The following IQSEC1 variants were observed in gnomAD, a reference collection of about 807,000 sequenced individuals.
IQSEC1 encodes the protein IQ motif and SEC7 domain-containing protein 1.
In IQSEC1, 31 loss-of-function variants were observed where a neutral mutation model predicts 91.0. The observed-to-expected ratio is 0.34, with a 90% CI of 0.26 to 0.46. The LOEUF is 0.46. Among genes scored for constraint, IQSEC1 ranks in the 20% least tolerant of loss-of-function variants. The pLI, the probability that IQSEC1 is intolerant of heterozygous loss-of-function variation, is 1.00. For missense variants in IQSEC1, 1,388 were observed against 1,575.6 expected, an observed-to-expected ratio of 0.88 and a Z score of 2.02; for synonymous variants, 699 against 662.6, an observed-to-expected ratio of 1.05 and a Z score of -0.84.
intron 1 of IQSEC1, among the ~76,000 whole-genome samples, chr3:12,984,584 C>T (rs1286385776): frequency 1.3e-5 from 2 of 152,154 alleles, no homozygotes; most frequent in South Asian, 2.1e-4. Context: ...TTTCAGGGGG[C>T]TGGGAAGCCT....
chr3:13,152,089 C>A (rs772738701), intron 2 of IQSEC1, among the ~76,000 whole-genome samples: 15 of 152,214 alleles, frequency 9.9e-5, no homozygotes, highest in Non-Finnish European at 2.1e-4. Context: ...TCCCAAATAT[C>A]TAATTAGCAA....
chr3:13,243,575 C>A (rs1305116954), intron 1 of IQSEC1, among the ~76,000 whole-genome samples: 1 of 152,210 alleles, frequency 6.6e-6, no homozygotes, highest in Non-Finnish European at 1.5e-5. Flanking sequence ...AGCCTCTACA[C>A]CCCAGTAGAA....
intron 1 of IQSEC1, among the ~76,000 whole-genome samples, chr3:13,186,452 C>T (rs1010640034): frequency 1.3e-4 from 20 of 152,264 alleles, no homozygotes; most frequent in Admixed American, 5.9e-4. Context: ...GGAAAGAAGT[C>T]GGCTGGGAGT....
At chr3:13,189,467 T>C (rs1167623506) in intron 1 of IQSEC1, among the ~76,000 whole-genome samples, 1 of 152,166 alleles carries the variant, frequency 6.6e-6, no homozygotes, top group African/African-American at 2.4e-5. Context: ...CACACCTGCC[T>C]GCCAGGACCC....
chr3:12,934,310 C>G (rs1697969474), intron 3 of IQSEC1, among the ~76,000 whole-genome samples: 1 of 152,176 alleles, frequency 6.6e-6, no homozygotes, highest in African/African-American at 2.4e-5. Context: ...AGTGAATGCA[C>G]CATTCCCCAG....
Position 12,899,767 on chromosome 3 carries a change from C to A in IQSEC1, c.*1216G>T. The A allele has an allele frequency of 1.8e-5, 18 of 985,412 alleles. No homozygotes were observed. The highest frequency in any genetic ancestry group is 2.2e-5 in the Non-Finnish European group (18 of 829,926). 61.0% of individuals were successfully genotyped at this position (985,412 alleles called of 1,614,324 possible). A position where few individuals can be genotyped will look rare whatever the true frequency, so the allele number is the denominator to read the frequency against. On this transcript the variant is annotated 3_prime_UTR_variant, in exon 14 of 14. Coordinates refer to ENST00000613206, the MANE Select transcript of IQSEC1 (RefSeq NM_001134382.3). The stretch of plus-strand genomic sequence containing the variant: ...AAACGCTAAAGTCAACCTTCAGGTT[C>A]GAGAGTGGTTCCTGATGAAAACACT...
chr3:13,036,925 G>A (rs548750120), intron 1 of IQSEC1, among the ~76,000 whole-genome samples: 2 of 152,356 alleles, frequency 1.3e-5, no homozygotes, highest in African/African-American at 4.8e-5. Context: ...CTGAAGGTGA[G>A]GTTGCAAAGT....
chr3:12,909,147 G>A lies in IQSEC1; in HGVS notation c.2578+126C>T. 2.0e-6 allele frequency: 2 copies of A among 1,007,904 alleles called. No individual in the cohort carries two copies. The highest frequency in any genetic ancestry group is 1.5e-5 in the South Asian group (1 of 65,644). 62.4% of individuals were successfully genotyped at this position (1,007,904 alleles called of 1,614,324 possible). A position where few individuals can be genotyped will look rare whatever the true frequency, so the allele number is the denominator to read the frequency against. ...AGACTGCCCCATCATGTGGCCATAGGGAAGGCCAGAAAAGACTGGGGGACA... is the reference window on the plus strand; with the variant it reads ...AGACTGCCCCATCATGTGGCCATAGAGAAGGCCAGAAAAGACTGGGGGACA... On this transcript the variant is annotated intron_variant, in intron 11 of 13. Coordinates refer to ENST00000613206, the MANE Select transcript of IQSEC1 (RefSeq NM_001134382.3). This position sits in a 1 kb window ranked among gnomAD's most constrained non-coding sequence, Gnocchi z 4.9.
At chr3:13,165,183 C>A (rs140456786) in intron 1 of IQSEC1, among the ~76,000 whole-genome samples, 419 of 152,298 alleles carry the variant, frequency 2.8e-3, no homozygotes, top group African/African-American at 9.7e-3. Flanking sequence ...CCTGAGTGCA[C>A]ACCCCTTGTT....
At chr3:13,062,136 T>C (rs1705087425) in intron 1 of IQSEC1, among the ~76,000 whole-genome samples, 1 of 152,160 alleles carries the variant, frequency 6.6e-6, no homozygotes, top group Admixed American at 6.5e-5. Flanking sequence ...GGAAATCCCT[T>C]TGACTTGAGT....
chr3:12,962,535 T>C (rs1176571313), intron 1 of IQSEC1, among the ~76,000 whole-genome samples: 9 of 152,368 alleles, frequency 5.9e-5, no homozygotes, highest in Middle Eastern at 3.4e-3. Flanking sequence ...TCCCCTCCCA[T>C]GGGATCCAGT....
chr3:12,923,611 G>A (rs1696833296), intron 4 of IQSEC1, among the ~76,000 whole-genome samples: 1 of 152,080 alleles, frequency 6.6e-6, no homozygotes, highest in South Asian at 2.1e-4. Flanking sequence ...GTGTGCCCAG[G>A]CCAGCCCCTC....
intron 2 of IQSEC1, among the ~76,000 whole-genome samples, chr3:12,936,908 G>A (rs1285087946): frequency 2.6e-5 from 4 of 151,904 alleles, no homozygotes; most frequent in Admixed American, 1.3e-4. Context: ...TAAAATGAGT[G>A]CAACCATGTT....
intron 1 of IQSEC1, among the ~76,000 whole-genome samples, chr3:13,009,273 G>A (rs1298261445): frequency 6.6e-6 from 1 of 152,212 alleles, no homozygotes; most frequent in East Asian, 1.9e-4. Flanking sequence ...TGCCCGGACT[G>A]CCACACCTCT....
At chr3:13,169,297 G>A (rs543616647) in intron 1 of IQSEC1, among the ~76,000 whole-genome samples, 2 of 152,330 alleles carry the variant, frequency 1.3e-5, no homozygotes, top group South Asian at 2.1e-4. Context: ...CACGTAAGAT[G>A]TGACTTGCTC....
intron 1 of IQSEC1, among the ~76,000 whole-genome samples, chr3:13,019,124 C>T (rs967879958): frequency 7.2e-5 from 11 of 152,228 alleles, no homozygotes; most frequent in East Asian, 1.9e-4. Context: ...GCAACTTGCC[C>T]GAGGGCTGCA....
intron 2 of IQSEC1, among the ~76,000 whole-genome samples, chr3:13,116,262 T>C (rs1270850701): frequency 1.3e-5 from 2 of 152,296 alleles, no homozygotes; most frequent in East Asian, 3.9e-4. Context: ...AGGTAGGAGC[T>C]ATATGTGGGG....
chr3:12,929,646 A>G (rs1436536445), intron 3 of IQSEC1, among the ~76,000 whole-genome samples: 2 of 151,934 alleles, frequency 1.3e-5, no homozygotes, highest in Admixed American at 1.3e-4. Context: ...ACTCCGTCCA[A>G]CTCTGCAGTC....
At chr3:13,208,750 C>A (rs2125059981) in intron 1 of IQSEC1, among the ~76,000 whole-genome samples, 1 of 152,316 alleles carries the variant, frequency 6.6e-6, no homozygotes, top group Middle Eastern at 3.4e-3. Flanking sequence ...GCCCCCAACT[C>A]CGACCCCCTT....
Sources: allele counts gnomAD v4.1 joint callset (sites outside exome capture counted in the v4.1 genomes callset), GRCh38; gene constraint gnomAD v4.1.1; non-coding constraint Gnocchi (gnomAD v3.1); transcripts MANE v1.5; gene names NCBI Gene and HGNC (gene_info 2026-07-23, HGNC 2026-07-21).